Variants in SPHKAP observed in about 807,000 individuals in gnomAD.
SPHKAP encodes SPHK1 interactor, AKAP domain containing.
In SPHKAP, 67 loss-of-function variants were observed where a neutral mutation model predicts 137.5. That is an observed-to-expected ratio of 0.49 (90% CI 0.40 to 0.60). The LOEUF (loss-of-function observed/expected upper bound fraction) is 0.60, where lower values mean the gene tolerates loss of function less well. SPHKAP is among the 20% of genes least tolerant of loss of function. SPHKAP has a pLI of 0.00. For missense variants in SPHKAP, 2,097 were observed against 2,069.3 expected (o/e 1.01, Z -0.26); for synonymous variants, 813 against 785.3 (o/e 1.04, Z -0.59).
At chr2:228,046,314 G>A (rs1432702729) in intron 3 of SPHKAP, among the ~76,000 whole-genome samples, 1 of 40,286 alleles carries the variant, frequency 2.5e-5, no homozygotes, top group Non-Finnish European at 4.5e-5. Flanking sequence ...TTTTTTTTTG[G>A]TCTCTGTTGG....
chr2:228,096,401 C>T (rs567289384), intron 3 of SPHKAP, among the ~76,000 whole-genome samples: 84 of 152,202 alleles, frequency 5.5e-4, no homozygotes, highest in African/African-American at 1.7e-3. Flanking sequence ...CCTCAGTGTA[C>T]GTTGCAGACT....
chr2:228,173,273 T>A (rs1025115825), intron 1 of SPHKAP, among the ~76,000 whole-genome samples: 1 of 152,190 alleles, frequency 6.6e-6, no homozygotes, highest in Non-Finnish European at 1.5e-5. Flanking sequence ...GAAAGATCAG[T>A]TTTTTGTTCA....
At chr2:228,036,861 C>T (rs1217932896) in intron 3 of SPHKAP, among the ~76,000 whole-genome samples, 1 of 150,750 alleles carries the variant, frequency 6.6e-6, no homozygotes, top group African/African-American at 2.4e-5. Context: ...GGAAGGGGAA[C>T]ATCACACTCT....
At chr2:228,119,762 A>G (rs747624785) in intron 2 of SPHKAP, among the ~76,000 whole-genome samples, 1 of 152,164 alleles carries the variant, frequency 6.6e-6, no homozygotes, top group Non-Finnish European at 1.5e-5. Flanking sequence ...TGAGTGAGTT[A>G]GTCTCCATTT....
intron 1 of SPHKAP, among the ~76,000 whole-genome samples, chr2:228,167,961 C>A (rs1700468545): frequency 6.6e-6 from 1 of 151,908 alleles, no homozygotes; most frequent in South Asian, 2.1e-4. Context: ...TACATGAATA[C>A]CTTTAGTATA....
intron 1 of SPHKAP, among the ~76,000 whole-genome samples, chr2:228,175,315 A>T (rs1487059045): frequency 6.6e-6 from 1 of 151,522 alleles, no homozygotes; most frequent in Non-Finnish European, 1.5e-5. Flanking sequence ...ATTTCTAATT[A>T]TTCTAAAAAT....
At chr2:228,176,705 C>G (rs1700751762) in intron 1 of SPHKAP, among the ~76,000 whole-genome samples, 1 of 152,154 alleles carries the variant, frequency 6.6e-6, no homozygotes, top group Admixed American at 6.5e-5. Context: ...AATCCCGTCT[C>G]TACTAAAAAT....
chr2:228,092,134 TGTGTACAC>T (rs1207772388), intron 3 of SPHKAP, among the ~76,000 whole-genome samples: 4 of 61,846 alleles, frequency 6.5e-5, no homozygotes, highest in East Asian at 3.9e-4. Context: ...TACGTATATG[TGTGTACAC>T]ATATATACAT....
At chr2:228,050,064 A>G (rs1252894180) in intron 3 of SPHKAP, among the ~76,000 whole-genome samples, 1 of 152,202 alleles carries the variant, frequency 6.6e-6, no homozygotes, top group Non-Finnish European at 1.5e-5. Flanking sequence ...AAACACGTAC[A>G]AGTGGCCCAC....
At chr2:228,085,532 C>T (rs151167611) in intron 3 of SPHKAP, among the ~76,000 whole-genome samples, 23 of 152,304 alleles carry the variant, frequency 1.5e-4, no homozygotes, top group African/African-American at 5.5e-4. Flanking sequence ...ACATTTAACA[C>T]CCTTTGACAA....
intron 1 of SPHKAP, among the ~76,000 whole-genome samples, chr2:228,157,603 C>A (rs1700144133): frequency 6.6e-6 from 1 of 152,012 alleles, no homozygotes; most frequent in Admixed American, 6.6e-5. Context: ...TAATAGACTT[C>A]TCTTTCAGAG....
intron 3 of SPHKAP, among the ~76,000 whole-genome samples, chr2:228,063,670 C>T (rs747395209): frequency 2.0e-5 from 3 of 152,106 alleles, no homozygotes; most frequent in Non-Finnish European, 2.9e-5. Flanking sequence ...ATGTGAAACA[C>T]GACAGAGTTT....
At chr2:228,025,758 A>G in intron 4 of SPHKAP, 4 of 756,824 alleles carry the variant, frequency 5.3e-6, no homozygotes, top group Non-Finnish European at 6.4e-6. Flanking sequence ...ACAAAAGTAA[A>G]CATTTTACAA....
At chr2:228,110,402 T>G (rs1358284139) in intron 2 of SPHKAP, among the ~76,000 whole-genome samples, 1 of 152,156 alleles carries the variant, frequency 6.6e-6, no homozygotes, top group African/African-American at 2.4e-5. Flanking sequence ...TAAATTTTCA[T>G]CATTCTTTCT....
At chr2:228,093,265 A>G (rs1486552666) in intron 3 of SPHKAP, among the ~76,000 whole-genome samples, 1 of 152,220 alleles carries the variant, frequency 6.6e-6, no homozygotes, top group East Asian at 1.9e-4. Flanking sequence ...TAGTAGTACC[A>G]GCAATTCTAC....
chr2:228,138,321 C>T (rs1699497150), intron 1 of SPHKAP, among the ~76,000 whole-genome samples: 2 of 152,126 alleles, frequency 1.3e-5, no homozygotes, highest in South Asian at 4.1e-4. Context: ...AGGAGTTAAC[C>T]TCAGTTCTGC....
intron 3 of SPHKAP, among the ~76,000 whole-genome samples, chr2:228,051,084 T>C (rs13029817): frequency 0.61 from 93,444 of 151,946 alleles, 29,186 homozygotes; most frequent in East Asian, 0.78. Flanking sequence ...GGATTATAGG[T>C]ATGAGCCACT....
chr2:228,071,394 G>T (rs949444041), intron 3 of SPHKAP, among the ~76,000 whole-genome samples: 3 of 152,142 alleles, frequency 2.0e-5, no homozygotes, highest in Non-Finnish European at 4.4e-5. Context: ...TGGTCTGCAG[G>T]AACTGCATCT....
At chr2:228,102,269 A>C (rs1429233931) in intron 3 of SPHKAP, among the ~76,000 whole-genome samples, 1 of 151,422 alleles carries the variant, frequency 6.6e-6, no homozygotes, top group Non-Finnish European at 1.5e-5. Flanking sequence ...CACACTTGTC[A>C]TTTGGTTTTT....
Sources: gnomAD v4.1 joint callset for allele counts (sites outside exome capture counted in the v4.1 genomes callset) on GRCh38, gnomAD v4.1.1 for gene constraint, MANE v1.5 for transcripts, NCBI Gene and HGNC (gene_info 2026-07-23, HGNC 2026-07-21) for gene names.